The following NT5DC1 variants were observed in gnomAD, a reference collection of about 807,000 sequenced individuals.
NT5DC1 encodes the protein 5'-nucleotidase domain-containing protein 1.
In NT5DC1, 42 loss-of-function variants were observed where a neutral mutation model predicts 59.4. The observed-to-expected ratio is 0.71, with a 90% CI of 0.55 to 0.92. NT5DC1 has a LOEUF of 0.92. Among genes scored for constraint, NT5DC1 ranks in the 40% least tolerant of loss-of-function variants. The pLI, the probability that NT5DC1 is intolerant of heterozygous loss-of-function variation, is 0.00. For missense variants in NT5DC1, 501 were observed against 537.1 expected, an observed-to-expected ratio of 0.93 and a Z score of 0.66; for synonymous variants, 172 against 188.1, an observed-to-expected ratio of 0.91 and a Z score of 0.70.
At chr6:116,180,435 G>C (rs374273653) in intron 6 of NT5DC1, among the ~76,000 whole-genome samples, 1 of 152,000 alleles carries the variant, frequency 6.6e-6, no homozygotes, top group South Asian at 2.1e-4. Flanking sequence ...AATCCCTAAT[G>C]AAATAATGGA....
chr6:116,189,102 T>C (rs1360617490), intron 6 of NT5DC1, among the ~76,000 whole-genome samples: 1 of 151,916 alleles, frequency 6.6e-6, no homozygotes, highest in African/African-American at 2.4e-5. Context: ...TTAATAATTA[T>C]TTTAATCAAG....
intron 11 of NT5DC1, among the ~76,000 whole-genome samples, chr6:116,242,544 G>C (rs898829419): frequency 1.3e-5 from 2 of 151,358 alleles, no homozygotes; most frequent in African/African-American, 2.4e-5. Flanking sequence ...AGATATTAAG[G>C]GGAAAAATGA....
intron 6 of NT5DC1, among the ~76,000 whole-genome samples, chr6:116,213,548 A>G (rs73774234): frequency 0.04 from 6,068 of 152,202 alleles, 182 homozygotes; most frequent in African/African-American, 0.08. Flanking sequence ...GAATGGAACA[A>G]TTAACTCCAA....
intron 6 of NT5DC1, among the ~76,000 whole-genome samples, chr6:116,150,905 T>G (rs1197329097): frequency 6.6e-6 from 1 of 152,202 alleles, no homozygotes; most frequent in Non-Finnish European, 1.5e-5. Context: ...TTACATAGGT[T>G]GATTTTAGGT....
chr6:116,242,997 T>G (rs1771767444), intron 11 of NT5DC1, among the ~76,000 whole-genome samples: 1 of 152,190 alleles, frequency 6.6e-6, no homozygotes. Flanking sequence ...CTCCGCTGGT[T>G]CCTCCTTCCC....
At chr6:116,146,622 A>G (rs1779903721) in intron 6 of NT5DC1, among the ~76,000 whole-genome samples, 1 of 152,220 alleles carries the variant, frequency 6.6e-6, no homozygotes, top group Non-Finnish European at 1.5e-5. Context: ...TACTTACTTT[A>G]TCTGTATCTT....
At chr6:116,146,173 G>A (rs1262190991) in intron 6 of NT5DC1, among the ~76,000 whole-genome samples, 1 of 152,310 alleles carries the variant, frequency 6.6e-6, no homozygotes, top group East Asian at 1.9e-4. Context: ...GGCAGTTTGA[G>A]GCAGGAAGAG....
At chr6:116,128,951 A>G (rs1472212855) in intron 6 of NT5DC1, among the ~76,000 whole-genome samples, 1 of 152,174 alleles carries the variant, frequency 6.6e-6, no homozygotes, top group East Asian at 1.9e-4. Context: ...CTTTTATAGT[A>G]GTGAGAATAG....
chr6:116,205,256 A>C (rs182886399), intron 6 of NT5DC1, among the ~76,000 whole-genome samples: 136 of 152,058 alleles, frequency 8.9e-4, no homozygotes, highest in African/African-American at 3.2e-3. Flanking sequence ...TGGGCTGGAC[A>C]AGCTTGGTGT....
At chr6:116,227,948 G>A (rs6914684) in intron 8 of NT5DC1, among the ~76,000 whole-genome samples, 9,900 of 152,052 alleles carry the variant, frequency 0.065, 405 homozygotes, top group African/African-American at 0.11. Context: ...TGGTTGCGTA[G>A]CTTTTTAGTA....
In NT5DC1 at chr6:116,158,520, TTAAA is replaced by T. The variant is rs1489231982; in HGVS notation, c.529+40578_529+40581del. 5.3e-5 allele frequency: 8 copies of T among 152,248 alleles called. No homozygotes were observed. In the South Asian group the frequency reaches 1.0e-3, roughly 20 times the overall value. The allele number at this position is 152,248 out of a possible 1,614,324, so 9.4% of individuals were successfully genotyped here. ...CATTTTATCTCTTCAGAGAAATTAT[TTAAA>T]TAGTCACAGCCAGTATTTTTGCCCT... On this transcript the variant is annotated intron_variant, in intron 6 of 11. Coordinates refer to ENST00000319550, the MANE Select transcript of NT5DC1 (RefSeq NM_152729.3).
chr6:116,230,317 A>C (rs1043833281), intron 8 of NT5DC1, among the ~76,000 whole-genome samples: 5 of 152,202 alleles, frequency 3.3e-5, no homozygotes, highest in African/African-American at 1.2e-4. Context: ...TAGCATCCTA[A>C]GGCTAATTGT....
At chr6:116,124,941 T>C (rs1272191846) in intron 6 of NT5DC1, among the ~76,000 whole-genome samples, 2 of 152,344 alleles carry the variant, frequency 1.3e-5, no homozygotes, top group Non-Finnish European at 2.9e-5. Context: ...AAATGTTTAA[T>C]ATTTAGCTAA....
rs147752029 is a variant in NT5DC1, at chr6:116,117,010, C to T, written c.445-851C>T. Among the ~76,000 whole-genome samples the T allele has an allele frequency of 1.5e-3, 235 of 152,182 alleles. 1 individual carries two copies. The highest frequency in any genetic ancestry group is 5.5e-3 in the African/African-American group (230 of 41,540). ...AACTTAATGAAAACAATTTACAGTT[C>T]GGATTTGGAACCTCATTCATCTCTT... On this transcript the variant is annotated intron_variant, in intron 5 of 11. Transcript: ENST00000319550.
intron 6 of NT5DC1, among the ~76,000 whole-genome samples, chr6:116,144,067 A>G (rs1410636712): frequency 3.3e-5 from 5 of 152,332 alleles, no homozygotes; most frequent in South Asian, 4.1e-4. Flanking sequence ...TTATATTTTT[A>G]TAATGAGGAT....
chr6:116,173,744 A>G (rs1439825177), intron 6 of NT5DC1, among the ~76,000 whole-genome samples: 3 of 152,152 alleles, frequency 2.0e-5, no homozygotes, highest in Non-Finnish European at 2.9e-5. Context: ...AAAAATGATA[A>G]AGACAATATA....
intron 6 of NT5DC1, among the ~76,000 whole-genome samples, chr6:116,171,502 G>C (rs1287682866): frequency 6.6e-6 from 1 of 152,118 alleles, no homozygotes; most frequent in Non-Finnish European, 1.5e-5. Context: ...ATTTCAGACT[G>C]GTACTTACAA....
chr6:116,166,381 T>C (rs1447184548), intron 6 of NT5DC1, among the ~76,000 whole-genome samples: 1 of 152,214 alleles, frequency 6.6e-6, no homozygotes, highest in Non-Finnish European at 1.5e-5. Context: ...TGGTTGGATA[T>C]TCAGTTCTAA....
At chr6:116,103,247 A>C (rs906768077) in intron 1 of NT5DC1, among the ~76,000 whole-genome samples, 1 of 152,176 alleles carries the variant, frequency 6.6e-6, no homozygotes, top group Non-Finnish European at 1.5e-5. Flanking sequence ...TGATACAGCC[A>C]TGATTCTAAT....
Sources: gnomAD v4.1 joint callset for allele counts (sites outside exome capture counted in the v4.1 genomes callset) on GRCh38, gnomAD v4.1.1 for gene constraint, MANE v1.5 for transcripts, NCBI Gene and HGNC (gene_info 2026-07-23, HGNC 2026-07-21) for gene names.